SNX4: variants seen among roughly 807,000 people sequenced by gnomAD.
The protein encoded by SNX4 is sorting nexin 4.
A neutral mutation model predicts 70.8 loss-of-function variants in SNX4; 49 were observed. The ratio of observed to expected loss-of-function variants is 0.69; its 90% CI spans 0.55 to 0.88. The LOEUF (loss-of-function observed/expected upper bound fraction) is 0.88. SNX4 is among the 40% of genes least tolerant of loss of function. SNX4 has a pLI of 0.00. For synonymous variants in SNX4, 206 were observed against 183.8 expected (o/e 1.12, Z -0.98); for missense variants, 528 against 544.8 (o/e 0.97, Z 0.31).
At chr3:125,466,914 C>T (rs574234823) in intron 9 of SNX4, among the ~76,000 whole-genome samples, 2 of 152,070 alleles carry the variant, frequency 1.3e-5, no homozygotes, top group African/African-American at 4.8e-5. Flanking sequence ...AAATCCCCGT[C>T]TCTACTAAAA....
chr3:125,495,400 C>T (rs1934772841), intron 5 of SNX4, among the ~76,000 whole-genome samples: 2 of 151,014 alleles, frequency 1.3e-5, no homozygotes, highest in Admixed American at 1.3e-4. Flanking sequence ...GGACTTAAAA[C>T]AAGAAACATC....
At chr3:125,454,247 T>C (rs538021773) in intron 11 of SNX4, among the ~76,000 whole-genome samples, 10 of 152,336 alleles carry the variant, frequency 6.6e-5, no homozygotes, top group Admixed American at 2.6e-4. Flanking sequence ...TACCAGTCCA[T>C]GGCCTGTTTG....
intron 6 of SNX4, among the ~76,000 whole-genome samples, chr3:125,480,857 A>G (rs972251066): frequency 6.6e-6 from 1 of 152,078 alleles, no homozygotes; most frequent in African/African-American, 2.4e-5. Context: ...ACACTTCCCC[A>G]TATCTACATC....
chr3:125,452,107 A>G (rs1445925421), intron 12 of SNX4, among the ~76,000 whole-genome samples: 1 of 149,662 alleles, frequency 6.7e-6, no homozygotes, highest in African/African-American at 2.5e-5. Context: ...AATCACGTTT[A>G]GCATTTTTTT....
chr3:125,451,547 G>A, intron 12 of SNX4, 128 bp from the exon 13 acceptor site: 1 of 603,334 alleles, frequency 1.7e-6, no homozygotes. Context: ...GCTTGTATAA[G>A]ACAGTTTTTT....
At chr3:125,515,092 G>C (rs1935245456) in intron 1 of SNX4, among the ~76,000 whole-genome samples, 1 of 152,164 alleles carries the variant, frequency 6.6e-6, no homozygotes, top group African/African-American at 2.4e-5. Context: ...TGATGTAAAA[G>C]TGTATTTTGC....
At chr3:125,475,286 G>C (rs1241420388) in intron 8 of SNX4, among the ~76,000 whole-genome samples, 2 of 152,248 alleles carry the variant, frequency 1.3e-5, no homozygotes, top group South Asian at 2.1e-4. Flanking sequence ...AATTATAGCT[G>C]AATCAAAAAT....
At chr3:125,519,948 GGCCCAGCCCAGCCCAGCCCAGCCCA>G in intron 1 of SNX4, 59 bp downstream of exon 1, 2 of 774,422 alleles carry the variant, frequency 2.6e-6, no homozygotes, top group Non-Finnish European at 3.5e-6. Flanking sequence ...GGCCCGGCCC[GGCCCAGCCCAGCCCAGCCCAGCCCA>G]GCCCGGCCCG....
intron 1 of SNX4, among the ~76,000 whole-genome samples, chr3:125,505,357 C>T (rs1430611828): frequency 6.6e-6 from 1 of 152,138 alleles, no homozygotes; most frequent in African/African-American, 2.4e-5. Flanking sequence ...TAGGAAGCAC[C>T]AGGAATCCAT....
intron 7 of SNX4, among the ~76,000 whole-genome samples, chr3:125,477,038 T>G: frequency 6.6e-6 from 1 of 152,212 alleles, no homozygotes; most frequent in South Asian, 2.1e-4. Context: ...ATCAGGTATT[T>G]AATAAATACC....
chr3:125,515,356 A>T lies in SNX4; in HGVS notation c.141+4676T>A, dbSNP rs528189257. Among the ~76,000 whole-genome samples, 114 of 143,514 alleles carry T rather than the reference A, an allele frequency of 7.9e-4. 1 individual carries two copies. In the East Asian group the frequency reaches 9.1e-3, roughly 11 times the overall value. The allele number at this position is 143,514 out of a possible 152,430, so 94.2% of individuals were successfully genotyped here. On this transcript the variant is annotated intron_variant, in intron 1 of 13. Coordinates refer to ENST00000251775, the MANE Select transcript of SNX4 (RefSeq NM_003794.4). ...GACAGAGGGAGACTCTGTCTCAAAAAATATATATATATATATATTTTTGGG... is the reference window on the plus strand; with the variant it reads ...GACAGAGGGAGACTCTGTCTCAAAATATATATATATATATATATTTTTGGG...
chr3:125,493,249 T>A (rs565895976), intron 5 of SNX4, among the ~76,000 whole-genome samples: 4 of 152,176 alleles, frequency 2.6e-5, no homozygotes, highest in Non-Finnish European at 5.9e-5. Context: ...AAGCCCAGAT[T>A]GAGTATTTAT....
intron 5 of SNX4, among the ~76,000 whole-genome samples, chr3:125,492,579 T>A (rs1934686427): frequency 1.3e-5 from 2 of 152,310 alleles, no homozygotes; most frequent in South Asian, 4.1e-4. Flanking sequence ...TGAAAAATAA[T>A]CCCTGCTGTC....
intron 1 of SNX4, among the ~76,000 whole-genome samples, chr3:125,513,590 G>A (rs1314959470): frequency 1.3e-5 from 2 of 152,156 alleles, no homozygotes; most frequent in Non-Finnish European, 2.9e-5. Context: ...AAAAAATTAA[G>A]TAAATATAAA....
In SNX4 at chr3:125,468,273, C is replaced by T. The variant is rs568436615; in HGVS notation, c.854+1181G>A. On this transcript the variant is annotated intron_variant, in intron 9 of 13. Transcript: ENST00000251775. ...TGGAGGTTAGGAGGAGGGTGAGAATCGAAAAACCACCTCTCAGGTACTAAG... is the reference window on the plus strand; with the variant it reads ...TGGAGGTTAGGAGGAGGGTGAGAATTGAAAAACCACCTCTCAGGTACTAAG... Among the ~76,000 whole-genome samples, 32 of 152,244 alleles carry T rather than the reference C, an allele frequency of 2.1e-4. No individual in the cohort carries two copies. In the South Asian group the frequency reaches 2.9e-3, roughly 14 times the overall value.
chr3:125,453,937 A>C lies in SNX4; in HGVS notation c.1063T>G (p.Leu355Val), dbSNP rs751021545. 1 of 1,613,490 alleles carries C rather than the reference A, an allele frequency of 6.2e-7. No homozygotes were observed. The highest frequency in any genetic ancestry group is 1.7e-5 in the Admixed American group (1 of 59,918). Residue 355 changes from leucine to valine, a missense_variant, in exon 12 of 14, where the codon TTG becomes GTG. Leu to Val is a conservative substitution (Grantham distance 32). Transcript: ENST00000251775. ...LVTGTVRTFS[L>V]KGMTTKLFGQ... ...AAGAGCTTGGTAGTCATTCCCTTCA[A>C]AGAGAATGTTCTCACAGTCTAAAAG... is the stretch of plus-strand genomic sequence containing the variant.
intron 8 of SNX4, among the ~76,000 whole-genome samples, chr3:125,469,915 C>T (rs181773110): frequency 3.3e-5 from 5 of 152,132 alleles, no homozygotes; most frequent in African/African-American, 1.2e-4. Context: ...ACTCCATGTA[C>T]GGCTCTGATG....
chr3:125,494,933 C>T (rs571732162), intron 5 of SNX4, among the ~76,000 whole-genome samples: 68 of 152,158 alleles, frequency 4.5e-4, no homozygotes, highest in African/African-American at 1.5e-3. Context: ...CCTCCTTTTC[C>T]GCTATCAGGC....
chr3:125,479,342 C>T (rs1466310961), intron 7 of SNX4, among the ~76,000 whole-genome samples: 1 of 151,990 alleles, frequency 6.6e-6, no homozygotes, highest in African/African-American at 2.4e-5. Flanking sequence ...TCACTTGGGG[C>T]CAGGAGGAGT....
Sources: allele counts gnomAD v4.1 joint callset (sites outside exome capture counted in the v4.1 genomes callset), GRCh38; gene constraint gnomAD v4.1.1; transcripts MANE v1.5; gene names NCBI Gene and HGNC (gene_info 2026-07-23, HGNC 2026-07-21).